Variants in PCSK1 observed in about 807,000 individuals in gnomAD.
PCSK1 encodes the protein neuroendocrine convertase 1.
Under a neutral mutation model 90.6 loss-of-function variants are expected in PCSK1, and 56 were observed. That is an observed-to-expected ratio of 0.62 (90% CI 0.50 to 0.77). PCSK1 has a LOEUF of 0.77. Among genes scored for constraint, PCSK1 ranks in the 30% least tolerant of loss-of-function variants. PCSK1 has a pLI of 0.00. For missense variants in PCSK1, 801 were observed against 932.6 expected, an observed-to-expected ratio of 0.86 and a Z score of 1.84; for synonymous variants, 348 against 342.4, an observed-to-expected ratio of 1.02 and a Z score of -0.18.
At chr5:96,420,765 AAG>A (rs1761100133) in intron 5 of PCSK1, among the ~76,000 whole-genome samples, 1 of 145,602 alleles carries the variant, frequency 6.9e-6, no homozygotes, top group Non-Finnish European at 1.5e-5. Flanking sequence ...GGGAGGAAGG[AAG>A]AGAGGGAGAG....
chr5:96,421,114 A>G (rs971806638), intron 5 of PCSK1, among the ~76,000 whole-genome samples: 2 of 152,208 alleles, frequency 1.3e-5, no homozygotes, highest in African/African-American at 2.4e-5. Context: ...CCACATGCCT[A>G]GAGCGTGAAG....
intron 9 of PCSK1, among the ~76,000 whole-genome samples, chr5:96,404,902 G>T (rs1023260348): frequency 6.6e-6 from 1 of 152,132 alleles, no homozygotes; most frequent in Non-Finnish European, 1.5e-5. Flanking sequence ...AGCTGTGTCT[G>T]GTCTACAGTA....
At chr5:96,414,499 C>T (rs573954035) in intron 6 of PCSK1, among the ~76,000 whole-genome samples, 1 of 152,254 alleles carries the variant, frequency 6.6e-6, no homozygotes, top group South Asian at 2.1e-4. Flanking sequence ...GGATACACTG[C>T]CTATAATATT....
At chr5:96,432,039 ACAGG>A (rs1761519603) in intron 1 of PCSK1, 1 of 1,382,744 alleles carries the variant, frequency 7.2e-7, no homozygotes, top group Non-Finnish European at 9.9e-7. Flanking sequence ...CTTCACTTGG[ACAGG>A]CAACAATAAG....
At chr5:96,422,531 C>T (rs187936575) in intron 4 of PCSK1, among the ~76,000 whole-genome samples, 194 of 152,328 alleles carry the variant, frequency 1.3e-3, no homozygotes, top group South Asian at 2.5e-3. Flanking sequence ...TACACTTAAA[C>T]GCCTCCCGCA....
At chr5:96,430,132 T>C (rs1761446189) in intron 1 of PCSK1, among the ~76,000 whole-genome samples, 1 of 152,216 alleles carries the variant, frequency 6.6e-6, no homozygotes, top group Admixed American at 6.5e-5. Flanking sequence ...AATTCAAGGC[T>C]TTCAGAAAAG....
In PCSK1 at chr5:96,392,890, AG is replaced by A; in HGVS notation, c.*110del. On this transcript the variant is annotated 3_prime_UTR_variant, in exon 14 of 14. Transcript: ENST00000311106. ...GGGAGAAAAAGAAAAGGTGCCACAA[AG>A]GATATTATAAGCATAAGAATTCATG... is the stretch of plus-strand genomic sequence containing the variant. 1.8e-6 allele frequency: 2 copies of A among 1,089,486 alleles called. No homozygotes were observed. Among genetic ancestry groups the A allele is most frequent in the Non-Finnish European group, 2.8e-6 (2 of 717,454 alleles). 67.5% of individuals were successfully genotyped at this position (1,089,486 alleles called of 1,614,324 possible).
intron 8 of PCSK1, among the ~76,000 whole-genome samples, chr5:96,409,040 G>A (rs11743265): frequency 0.19 from 28,529 of 152,154 alleles, 3,318 homozygotes; most frequent in Middle Eastern, 0.24. Context: ...ACTCATATGC[G>A]AGACTTACCC....
intron 2 of PCSK1, among the ~76,000 whole-genome samples, chr5:96,428,121 T>G (rs1761375896): frequency 1.3e-5 from 2 of 152,224 alleles, no homozygotes; most frequent in Non-Finnish European, 2.9e-5. Flanking sequence ...TTCCCTACCC[T>G]CATAATTTGT....
intron 3 of PCSK1, among the ~76,000 whole-genome samples, chr5:96,425,372 AACC>A (rs1018720600): frequency 1.3e-5 from 2 of 152,222 alleles, no homozygotes; most frequent in Non-Finnish European, 2.9e-5. Context: ...TCCTTCTTTT[AACC>A]TCTTTCAGAG....
rs1410120267 is a variant in PCSK1 at position 96,433,201 on chromosome 5, T to C, written c.-159A>G. The C allele has an allele frequency of 1.1e-5, 8 of 718,240 alleles. No homozygotes were observed. In the East Asian group the frequency reaches 1.6e-4, roughly 15 times the overall value. 44.5% of individuals were successfully genotyped at this position (718,240 alleles called of 1,614,324 possible). A position where few individuals can be genotyped will look rare whatever the true frequency, so the allele number is the denominator to read the frequency against. ...AGCTAGGAGGCGCGAGAGGAGAGGC[T>C]GGGCGGCGGCGAGCGCTCAGTGAAG... On this transcript the variant is annotated 5_prime_UTR_variant, in exon 1 of 14. Transcript: ENST00000311106.
intron 6 of PCSK1, among the ~76,000 whole-genome samples, 196 bp from the exon 7 acceptor site, chr5:96,412,686 A>G (rs547743495): frequency 2.7e-5 from 4 of 149,836 alleles, no homozygotes; most frequent in South Asian, 2.1e-4. Context: ...CTGCCCCCAT[A>G]AGCTTTTTTG....
In PCSK1 at chr5:96,393,077, TA is replaced by T; in HGVS notation, c.2185del (p.Tyr729IlefsTer21). On this transcript the variant is annotated frameshift_variant, in exon 14 of 14. Transcript: ENST00000311106. LOFTEE classifies it high-confidence loss of function. ...SLYNDYVDVF[Y>X]NTKPYKHRDD... ...TCTGTGCTTGTAAGGTTTAGTGTTATAAAAAACATCAACATAGTCATTATAC... is the reference window on the plus strand; with the variant it reads ...TCTGTGCTTGTAAGGTTTAGTGTTATAAAAACATCAACATAGTCATTATAC... The T allele has an allele frequency of 1.2e-6, 2 of 1,614,116 alleles. No homozygotes were observed. The highest frequency in any genetic ancestry group is 8.5e-7 in the Non-Finnish European group (1 of 1,179,954).
Position 96,412,309 on chromosome 5 carries a change from G to A in PCSK1, c.882+9C>T. On this transcript the variant is annotated intron_variant, in intron 7 of 13. Coordinates refer to ENST00000311106, the MANE Select transcript of PCSK1 (RefSeq NM_000439.5). ...TTCATTTCATGTGGGTCTGTGTAAA[G>A]CATCTTACCTGTTTGACACCATATT... is the stretch of plus-strand genomic sequence containing the variant. 1 of 1,612,072 alleles carries A rather than the reference G, an allele frequency of 6.2e-7. No homozygotes were observed. Among genetic ancestry groups the A allele is most frequent in the South Asian group, 1.1e-5 (1 of 91,054 alleles).
In PCSK1 at chr5:96,400,133, T is replaced by G; in HGVS notation, c.1250A>C (p.Tyr417Ser). ...MQHLVVWTSE[Y>S]DPLANNPGWK... ...TCCAGGGTTATTGGCCAGCGGGTCA[T>G]ACTCAGAGGTCCAGACAACCAGGTG... The change falls in exon 10 of 14, where the codon TAT (tyrosine) becomes TCT (serine). Residue 417 changes from tyrosine (Y) to serine (S), a missense_variant. Physicochemically the swap from Tyr to Ser is moderately radical, Grantham distance 144. Transcript: ENST00000311106. The G allele has an allele frequency of 3.7e-6, 6 of 1,614,190 alleles. No individual in the cohort carries two copies. Among genetic ancestry groups the G allele is most frequent in the Non-Finnish European group, 5.1e-6 (6 of 1,180,010 alleles).
intron 6 of PCSK1, among the ~76,000 whole-genome samples, chr5:96,412,752 GT>G (rs57397343): frequency 0.039 from 2,766 of 71,750 alleles, 24 homozygotes; most frequent in Middle Eastern, 0.087. Flanking sequence ...CAGCTGTGAT[GT>G]TTTTTTTTTT....
intron 6 of PCSK1, chr5:96,412,796 T>A (rs1046690713): frequency 6.6e-6 from 2 of 301,714 alleles, no homozygotes; most frequent in Non-Finnish European, 1.1e-5. Context: ...AAGGCTCTCT[T>A]CCCAGCAAAA....
At position 96,397,335 on chromosome 5, in the gene PCSK1, C is replaced by T; in HGVS notation, c.1722+1G>A. On this transcript the variant is annotated splice_donor_variant, in intron 12 of 13. Coordinates refer to ENST00000311106, the MANE Select transcript of PCSK1 (RefSeq NM_000439.5). LOFTEE classifies it high-confidence loss of function. ...TTTTTCATCCTCTCATTCACACTTA[C>T]CATGTCTGTAATTCTCAAAGTCCAA... The T allele has an allele frequency of 6.2e-7, 1 of 1,612,696 alleles. No individual in the cohort carries two copies. The highest frequency in any genetic ancestry group is 8.5e-7 in the Non-Finnish European group (1 of 1,178,840).
chr5:96,417,446 G>A (rs990561218), intron 5 of PCSK1, among the ~76,000 whole-genome samples: 1 of 151,898 alleles, frequency 6.6e-6, no homozygotes, highest in African/African-American at 2.4e-5. Context: ...CAATCATGGG[G>A]CCCCTCCTCT....
Sources: allele counts gnomAD v4.1 joint callset (sites outside exome capture counted in the v4.1 genomes callset), GRCh38; gene constraint gnomAD v4.1.1; transcripts MANE v1.5; gene names NCBI Gene and HGNC (gene_info 2026-07-23, HGNC 2026-07-21).